Variants in USP45 observed in about 807,000 individuals in gnomAD.
USP45 encodes the protein ubiquitin specific peptidase 45.
Under a neutral mutation model 95.8 loss-of-function variants are expected in USP45, and 89 were observed. That is an observed-to-expected ratio of 0.93 (90% confidence interval 0.78 to 1.11). The LOEUF (loss-of-function observed/expected upper bound fraction) is 1.11, where lower values mean the gene tolerates loss of function less well. USP45 is among the 50% of genes least tolerant of loss of function. The pLI, the probability that USP45 is intolerant of heterozygous loss-of-function variation, is 0.00. For missense variants in USP45, 898 were observed against 942.5 expected, an observed-to-expected ratio of 0.95 and a Z score of 0.62; for synonymous variants, 281 against 316.2, an observed-to-expected ratio of 0.89 and a Z score of 1.18.
intron 1 of USP45, among the ~76,000 whole-genome samples, chr6:99,511,808 T>G (rs1488814457): frequency 1.3e-5 from 2 of 149,670 alleles, no homozygotes; most frequent in African/African-American, 4.9e-5. Context: ...TATCAATATG[T>G]GTGTATAGAG....
chr6:99,460,997 T>C (rs764615221), intron 13 of USP45: 124 of 985,252 alleles, frequency 1.3e-4, no homozygotes, highest in Non-Finnish European at 1.5e-4. Flanking sequence ...AAGAGCTTAA[T>C]TGGCAAAACG....
chr6:99,501,972 G>A (rs1176967376), intron 5 of USP45: 2 of 1,303,270 alleles, frequency 1.5e-6, no homozygotes, highest in Admixed American at 4.6e-5. Flanking sequence ...CCCCTAGACA[G>A]TTTATGCTGA....
chr6:99,503,956 G>A (rs1052651131), intron 4 of USP45, 91 bp from the exon 5 acceptor site: 7 of 892,762 alleles, frequency 7.8e-6, no homozygotes, highest in Admixed American at 5.8e-5. Flanking sequence ...AGTTACTTTT[G>A]TCTTTAAATT....
At chr6:99,481,254 C>T (rs1792338476) in intron 8 of USP45, among the ~76,000 whole-genome samples, 1 of 152,120 alleles carries the variant, frequency 6.6e-6, no homozygotes, top group African/African-American at 2.4e-5. Context: ...TAAAATATAT[C>T]AAGCAAGTTG....
intron 13 of USP45, among the ~76,000 whole-genome samples, chr6:99,460,183 G>C (rs1202794494): frequency 1.5e-5 from 2 of 134,306 alleles, no homozygotes; most frequent in Non-Finnish European, 3.2e-5. Context: ...GTTTTAATGA[G>C]ATAACTGTAG....
At chr6:99,486,844 CAA>C (rs1794023284) in intron 7 of USP45, among the ~76,000 whole-genome samples, 1 of 152,120 alleles carries the variant, frequency 6.6e-6, no homozygotes, top group East Asian at 1.9e-4. Context: ...CACACACACA[CAA>C]ACACACACAC....
At chr6:99,480,166 A>G (rs1042940328) in intron 8 of USP45, among the ~76,000 whole-genome samples, 4 of 152,220 alleles carry the variant, frequency 2.6e-5, no homozygotes, top group Non-Finnish European at 4.4e-5. Flanking sequence ...AATAGCATAA[A>G]AACATGAAAT....
chr6:99,461,396 A>G, intron 13 of USP45: 1 of 985,358 alleles, frequency 1.0e-6, no homozygotes, highest in Non-Finnish European at 1.2e-6. Context: ...TTCAAGAAGG[A>G]TGTTTATATA....
chr6:99,467,773 C>T (rs1340006731), intron 10 of USP45, among the ~76,000 whole-genome samples: 1 of 151,920 alleles, frequency 6.6e-6, no homozygotes, highest in Non-Finnish European at 1.5e-5. Flanking sequence ...AAATCTTGAA[C>T]CCTTAATTAC....
intron 5 of USP45, among the ~76,000 whole-genome samples, chr6:99,489,031 C>G (rs778896054): frequency 6.6e-6 from 1 of 152,068 alleles, no homozygotes; most frequent in Non-Finnish European, 1.5e-5. Flanking sequence ...AGATCTGCAC[C>G]TCACACTATA....
chr6:99,478,002 G>C (rs1197019258), intron 8 of USP45, among the ~76,000 whole-genome samples: 1 of 152,002 alleles, frequency 6.6e-6, no homozygotes, highest in Non-Finnish European at 1.5e-5. Context: ...GACTAGAGGA[G>C]GGAACAGGAG....
chr6:99,487,670 C>CT (rs759628484), intron 7 of USP45, among the ~76,000 whole-genome samples: 3 of 149,984 alleles, frequency 2.0e-5, no homozygotes, highest in East Asian at 2.0e-4. Flanking sequence ...AGCCGGGCGC[C>CT]TATAGTCCCA....
intron 4 of USP45, among the ~76,000 whole-genome samples, chr6:99,504,845 A>G (rs1232481025): frequency 6.6e-6 from 1 of 152,210 alleles, no homozygotes. Context: ...CCAACAACGT[A>G]CAGAACAGCA....
At position 99,446,235 on chromosome 6, in the gene USP45, C is replaced by T; in HGVS notation, c.1537G>A (p.Ala513Thr). The T allele has an allele frequency of 3.7e-6, 6 of 1,614,164 alleles. No homozygotes were observed. The highest frequency in any genetic ancestry group is 5.1e-6 in the Non-Finnish European group (6 of 1,180,010). The change falls in exon 14 of 18, where the codon GCT becomes ACT. Residue 513 changes from alanine (A) to threonine (T), a missense_variant. Physicochemically the swap from Ala to Thr is moderately conservative, Grantham distance 58. Coordinates refer to ENST00000500704, the MANE Select transcript of USP45 (RefSeq NM_001346022.3). ...CTGAACAGCCCAGTCTGCTTTGAAG[C>T]ACTTTCAGATTCTGAAGGCTCACTG... The part of the protein sequence containing the change: ...ADSEPSESES[A>T]SKQTGLFRSS...
At chr6:99,487,766 G>A (rs1474656395) in intron 7 of USP45, among the ~76,000 whole-genome samples, 8 of 151,924 alleles carry the variant, frequency 5.3e-5, no homozygotes, top group Admixed American at 3.3e-4. Context: ...CTGCACTCCA[G>A]CCTGCACTCC....
rs551809977 is a variant in USP45 at position 99,461,095 on chromosome 6, GT to G, written c.1308+3508del. 2.5e-5 allele frequency: 25 copies of G among 984,638 alleles called. No homozygotes were observed. The African/African-American group carries it at 4.4e-4, about 17-fold the overall frequency. The allele number at this position is 984,638 out of a possible 1,614,324, so 61.0% of individuals were successfully genotyped here. The stretch of plus-strand genomic sequence containing the variant: ...TTCTGATTCTGGCAGAAGTATTAAG[GT>G]TTTATGAAATAAAAAAAAAATCTTT... On this transcript the variant is annotated intron_variant, in intron 13 of 17. Coordinates refer to ENST00000500704, the MANE Select transcript of USP45 (RefSeq NM_001346022.3).
intron 13 of USP45, among the ~76,000 whole-genome samples, chr6:99,457,220 T>C (rs1217865055): frequency 6.6e-6 from 1 of 152,218 alleles, no homozygotes; most frequent in Non-Finnish European, 1.5e-5. Context: ...CTGCCTCCAC[T>C]TGCCTTGTGA....
At chr6:99,468,415 G>A (rs566995403) in intron 10 of USP45, 122 bp downstream of exon 10, 8 of 663,376 alleles carry the variant, frequency 1.2e-5, no homozygotes, top group African/African-American at 7.3e-5. Context: ...CAGCAACTAC[G>A]TCCTCCTTTT....
intron 5 of USP45, 113 bp from the exon 6 acceptor site, chr6:99,488,933 C>A: frequency 1.2e-6 from 1 of 812,980 alleles, no homozygotes; most frequent in Non-Finnish European, 1.7e-6. Flanking sequence ...CTCCCTGAAT[C>A]AGTGTTCCTG....
Sources: allele counts gnomAD v4.1 joint callset (sites outside exome capture counted in the v4.1 genomes callset), GRCh38; gene constraint gnomAD v4.1.1; transcripts MANE v1.5; gene names NCBI Gene and HGNC (gene_info 2026-07-23, HGNC 2026-07-21).